Variants in LHFPL6 observed in about 807,000 individuals in gnomAD.
The protein encoded by LHFPL6 is LHFPL tetraspan subfamily member 6, also known as LHFPL tetraspan subfamily member 6 protein.
LHFPL6 carries 9 observed loss-of-function variants against 20.6 expected under a neutral mutation model. The observed-to-expected ratio is 0.44, with a 90% CI of 0.26 to 0.76. The LOEUF (loss-of-function observed/expected upper bound fraction) is 0.76, where lower values mean the gene tolerates loss of function less well. LHFPL6 is among the 30% of genes least tolerant of loss of function. The pLI, the probability that LHFPL6 is intolerant of heterozygous loss-of-function variation, is 0.20. For missense variants in LHFPL6, 218 were observed against 253.5 expected, an observed-to-expected ratio of 0.86 and a Z score of 0.95; for synonymous variants, 105 against 98.7, an observed-to-expected ratio of 1.06 and a Z score of -0.38.
At chr13:39,474,052 A>C (rs1873016384) in intron 2 of LHFPL6, among the ~76,000 whole-genome samples, 1 of 152,220 alleles carries the variant, frequency 6.6e-6, no homozygotes, top group African/African-American at 2.4e-5. Flanking sequence ...ATTCGAGGCC[A>C]ATGCTGGGTG....
chr13:39,570,374 G>A (rs1871876427), intron 2 of LHFPL6, among the ~76,000 whole-genome samples: 1 of 152,008 alleles, frequency 6.6e-6, no homozygotes, highest in Non-Finnish European at 1.5e-5. Context: ...CAAACTCCTG[G>A]GCTCAAGCAT....
chr13:39,436,026 T>A (rs956479652), intron 2 of LHFPL6, among the ~76,000 whole-genome samples: 5 of 151,490 alleles, frequency 3.3e-5, no homozygotes, highest in African/African-American at 4.8e-5. Context: ...TATTTTTAAA[T>A]TAATAAATAT....
intron 2 of LHFPL6, among the ~76,000 whole-genome samples, chr13:39,462,778 CTA>C (rs1872716025): frequency 6.6e-6 from 1 of 152,100 alleles, no homozygotes; most frequent in Non-Finnish European, 1.5e-5. Flanking sequence ...ATGTGCTTTC[CTA>C]TGTTATTGTG....
chr13:39,462,217 C>T (rs541509099), intron 2 of LHFPL6, among the ~76,000 whole-genome samples: 2 of 152,294 alleles, frequency 1.3e-5, no homozygotes, highest in South Asian at 4.1e-4. Flanking sequence ...ACTGCTAACA[C>T]CACCTTTAGA....
At chr13:39,589,864 T>C (rs1285296272) in intron 2 of LHFPL6, among the ~76,000 whole-genome samples, 1 of 152,190 alleles carries the variant, frequency 6.6e-6, no homozygotes, top group Non-Finnish European at 1.5e-5. Context: ...CTCTATTACA[T>C]ATTACATTAT....
rs1870109765 is a variant in LHFPL6, at chr13:39,369,597, T to TCCTC, written c.484+8827_484+8830dup. On this transcript the variant is annotated intron_variant, in intron 3 of 3. Transcript: ENST00000379589. The stretch of plus-strand genomic sequence containing the variant: ...TTCCTTCCTTCCTTCCTTCCTTCCT[T>TCCTC]CCTCCCTCTCTCCCTCCCTTCCTTC... Among the ~76,000 whole-genome samples, 253 of 87,338 alleles carry TCCTC rather than the reference T, an allele frequency of 2.9e-3. 22 individuals are homozygous for TCCTC. Among genetic ancestry groups the TCCTC allele is most frequent in the Non-Finnish European group, 3.7e-3 (153 of 41,232 alleles). 57.3% of individuals were successfully genotyped at this position (87,338 alleles called of 152,430 possible). A position where few individuals can be genotyped will look rare whatever the true frequency, so the allele number is the denominator to read the frequency against.
At chr13:39,526,921 GACTT>G (rs1870308675) in intron 2 of LHFPL6, among the ~76,000 whole-genome samples, 1 of 152,186 alleles carries the variant, frequency 6.6e-6, no homozygotes, top group Admixed American at 6.5e-5. Context: ...ACTTTGACTT[GACTT>G]ACTTTTGTTC....
At chr13:39,451,764 T>G (rs1872448905) in intron 2 of LHFPL6, among the ~76,000 whole-genome samples, 1 of 152,240 alleles carries the variant, frequency 6.6e-6, no homozygotes, top group African/African-American at 2.4e-5. Flanking sequence ...CCTTTCCTGG[T>G]CTTTTTTAAA....
chr13:39,385,699 C>G (rs1870546766), intron 2 of LHFPL6, among the ~76,000 whole-genome samples: 1 of 152,208 alleles, frequency 6.6e-6, no homozygotes, highest in Non-Finnish European at 1.5e-5. Flanking sequence ...CTGCAAAACT[C>G]TTTCTATTCA....
chr13:39,430,714 A>C (rs749362702), intron 2 of LHFPL6, among the ~76,000 whole-genome samples: 6 of 152,218 alleles, frequency 3.9e-5, no homozygotes, highest in Non-Finnish European at 7.3e-5. Context: ...AAACACATCA[A>C]TCGGCACTCT....
At chr13:39,575,752 C>T (rs1048700884) in intron 2 of LHFPL6, among the ~76,000 whole-genome samples, 2 of 152,110 alleles carry the variant, frequency 1.3e-5, no homozygotes, top group Non-Finnish European at 2.9e-5. Context: ...CTGTGGGGTC[C>T]GGTTCGCTTC....
intron 2 of LHFPL6, among the ~76,000 whole-genome samples, chr13:39,549,120 A>G (rs114378365): frequency 0.012 from 1,889 of 152,256 alleles, 44 homozygotes; most frequent in African/African-American, 0.043. Flanking sequence ...TGCTTCATCA[A>G]AGAAGATGGA....
chr13:39,437,210 A>G (rs1447716560), intron 2 of LHFPL6, among the ~76,000 whole-genome samples: 2 of 152,294 alleles, frequency 1.3e-5, no homozygotes, highest in East Asian at 3.9e-4. Flanking sequence ...ATGGGTAATG[A>G]ATATGGTTTG....
At chr13:39,366,830 G>A (rs1369376651) in intron 3 of LHFPL6, among the ~76,000 whole-genome samples, 1 of 152,084 alleles carries the variant, frequency 6.6e-6, no homozygotes, top group Admixed American at 6.5e-5. Context: ...CCAAACTAAG[G>A]GAACTCAAAT....
chr13:39,561,598 A>G (rs905535211), intron 2 of LHFPL6, among the ~76,000 whole-genome samples: 3 of 152,122 alleles, frequency 2.0e-5, no homozygotes, highest in African/African-American at 7.2e-5. Context: ...AAGTAGCTGG[A>G]ATCATAGGCA....
Position 39,499,852 on chromosome 13 carries a change from C to G in LHFPL6, c.385+100980G>C, listed in dbSNP as rs1593337485. 1.3e-5 allele frequency among the ~76,000 whole-genome samples: 2 copies of G among 152,326 alleles called. 1 individual carries two copies. The highest frequency in any genetic ancestry group is 1.3e-4 in the Admixed American group (2 of 15,300). ...AATAAATTCTTTTTTGATCCAACTA[C>G]TTTGAATTGGGTTTTTGTCACGTGC... On this transcript the variant is annotated intron_variant, in intron 2 of 3. Transcript: ENST00000379589.
intron 2 of LHFPL6, among the ~76,000 whole-genome samples, chr13:39,435,805 G>T (rs1871942227): frequency 6.6e-6 from 1 of 151,912 alleles, no homozygotes; most frequent in South Asian, 2.1e-4. Context: ...CTACATATTT[G>T]TATGAACCTG....
chr13:39,571,259 G>A (rs192450377), intron 2 of LHFPL6, among the ~76,000 whole-genome samples: 4 of 152,306 alleles, frequency 2.6e-5, no homozygotes, highest in South Asian at 2.1e-4. Context: ...TAAATCCTCC[G>A]ACCAGATTGA....
At chr13:39,568,431 T>C (rs549309842) in intron 2 of LHFPL6, among the ~76,000 whole-genome samples, 27 of 152,296 alleles carry the variant, frequency 1.8e-4, no homozygotes, top group African/African-American at 6.5e-4. Context: ...ATATTGCTTC[T>C]ACCTATCCAT....
Sources: allele counts gnomAD v4.1 joint callset (sites outside exome capture counted in the v4.1 genomes callset), GRCh38; gene constraint gnomAD v4.1.1; transcripts MANE v1.5; gene names NCBI Gene and HGNC (gene_info 2026-07-23, HGNC 2026-07-21).